IL15: variants seen among roughly 807,000 people sequenced by gnomAD.
IL15 encodes the protein interleukin-15.
A neutral mutation model predicts 19.6 loss-of-function variants in IL15; 11 were observed. That is an observed-to-expected ratio of 0.56 (90% confidence interval 0.35 to 0.93). The LOEUF (loss-of-function observed/expected upper bound fraction) is 0.93. IL15 is among the 40% of genes least tolerant of loss of function. IL15 has a pLI of 0.01. For missense variants in IL15, 197 were observed against 186.5 expected (o/e 1.06, Z -0.33); for synonymous variants, 58 against 59.6 (o/e 0.97, Z 0.12).
intron 5 of IL15, among the ~76,000 whole-genome samples, chr4:141,725,149 G>A (rs73851521): frequency 0.027 from 4,064 of 152,226 alleles, 184 homozygotes; most frequent in African/African-American, 0.092. Context: ...TTATTTGAAA[G>A]TCAAGCAATG....
chr4:141,704,090 A>C (rs1423944117), intron 2 of IL15, among the ~76,000 whole-genome samples: 1 of 152,104 alleles, frequency 6.6e-6, no homozygotes, highest in African/African-American at 2.4e-5. Flanking sequence ...TTCCAGTACT[A>C]TGTTGAATAG....
At chr4:141,643,649 G>C (rs1287937987) in intron 1 of IL15, among the ~76,000 whole-genome samples, 1 of 151,986 alleles carries the variant, frequency 6.6e-6, no homozygotes, top group Non-Finnish European at 1.5e-5. Context: ...AACAATTTCA[G>C]TCTCTGTCTA....
At chr4:141,669,094 AATG>A (rs1429646542) in intron 2 of IL15, among the ~76,000 whole-genome samples, 1 of 152,250 alleles carries the variant, frequency 6.6e-6, no homozygotes, top group African/African-American at 2.4e-5. Context: ...TGTCATTTAA[AATG>A]ATGACAAAAT....
At chr4:141,652,954 A>G (rs1727459511) in intron 1 of IL15, among the ~76,000 whole-genome samples, 1 of 152,198 alleles carries the variant, frequency 6.6e-6, no homozygotes. Context: ...TATTATCAGC[A>G]GGTAATAAGA....
At chr4:141,646,609 T>C (rs1288785606) in intron 1 of IL15, among the ~76,000 whole-genome samples, 4 of 152,084 alleles carry the variant, frequency 2.6e-5, no homozygotes, top group Non-Finnish European at 5.9e-5. Flanking sequence ...TAATATAGTG[T>C]GTTTACTATA....
intron 1 of IL15, among the ~76,000 whole-genome samples, chr4:141,640,684 G>C (rs1451427173): frequency 6.6e-6 from 1 of 152,128 alleles, no homozygotes; most frequent in Non-Finnish European, 1.5e-5. Flanking sequence ...TTCACATCCA[G>C]AGCCAGGGTA....
intron 1 of IL15, among the ~76,000 whole-genome samples, chr4:141,637,647 G>A (rs901992450): frequency 2.6e-5 from 4 of 152,098 alleles, no homozygotes; most frequent in African/African-American, 9.7e-5. Flanking sequence ...AAACTATGTT[G>A]ACTTCAAAGT....
intron 1 of IL15, among the ~76,000 whole-genome samples, chr4:141,644,675 T>C (rs1187928855): frequency 1.3e-5 from 2 of 152,176 alleles, no homozygotes; most frequent in Non-Finnish European, 2.9e-5. Flanking sequence ...ATTTCTCTGA[T>C]GTAGTTTCTT....
intron 2 of IL15, among the ~76,000 whole-genome samples, chr4:141,668,729 C>T (rs562347824): frequency 6.6e-6 from 1 of 152,282 alleles, no homozygotes; most frequent in East Asian, 1.9e-4. Context: ...CTAAGGGCAA[C>T]CTCCTGTTTA....
chr4:141,655,201 A>G (rs537582216), intron 1 of IL15, among the ~76,000 whole-genome samples: 3 of 152,252 alleles, frequency 2.0e-5, no homozygotes, highest in South Asian at 2.1e-4. Context: ...GAGTGGGGAA[A>G]GGGCTCAGGG....
At chr4:141,726,817 G>A (rs767610895) in intron 5 of IL15, among the ~76,000 whole-genome samples, 1 of 152,044 alleles carries the variant, frequency 6.6e-6, no homozygotes, top group African/African-American at 2.4e-5. Context: ...AGTGAAAAAA[G>A]CCAGTCTTCA....
At chr4:141,647,847 A>G (rs1727281551) in intron 1 of IL15, among the ~76,000 whole-genome samples, 1 of 151,948 alleles carries the variant, frequency 6.6e-6, no homozygotes, top group Admixed American at 6.6e-5. Context: ...CACCTGATAG[A>G]TACTTCTCTC....
rs887971009 is a variant in IL15 at position 141,733,946 on chromosome 4, G to T, written c.*1098G>T. ...TCTCTTCTAATGGAACTGTAAGAAA[G>T]ATGAAATATTTTTGTTTTATTATAA... On this transcript the variant is annotated 3_prime_UTR_variant, in exon 8 of 8. Coordinates refer to ENST00000320650, the MANE Select transcript of IL15 (RefSeq NM_000585.5). The T allele has an allele frequency of 6.6e-6, 1 of 152,154 alleles. No individual in the cohort carries two copies. Among genetic ancestry groups the T allele is most frequent in the Non-Finnish European group, 1.5e-5 (1 of 68,018 alleles). 9.4% of individuals were successfully genotyped at this position (152,154 alleles called of 1,614,324 possible). A position where few individuals can be genotyped will look rare whatever the true frequency, so the allele number is the denominator to read the frequency against.
intron 2 of IL15, among the ~76,000 whole-genome samples, chr4:141,708,790 T>A (rs1375924692): frequency 6.6e-6 from 1 of 152,266 alleles, no homozygotes; most frequent in East Asian, 1.9e-4. Flanking sequence ...AAATTATAGA[T>A]GTTTATTCAC....
At chr4:141,726,283 C>G (rs776008504) in intron 5 of IL15, among the ~76,000 whole-genome samples, 1 of 152,102 alleles carries the variant, frequency 6.6e-6, no homozygotes, top group Non-Finnish European at 1.5e-5. Flanking sequence ...GAAAATTATA[C>G]ATCACCCCAA....
intron 2 of IL15, among the ~76,000 whole-genome samples, chr4:141,713,622 C>T (rs539653160): frequency 7.2e-4 from 109 of 152,280 alleles, no homozygotes; most frequent in African/African-American, 2.5e-3. Context: ...GAAAATGGCT[C>T]ACAGTCATCT....
intron 2 of IL15, among the ~76,000 whole-genome samples, chr4:141,656,856 A>G (rs1727622806): frequency 6.6e-6 from 1 of 152,228 alleles, no homozygotes; most frequent in Admixed American, 6.5e-5. Context: ...AGGATATTAG[A>G]AGATAATGTA....
chr4:141,697,122 C>A (rs1729123387), intron 2 of IL15, among the ~76,000 whole-genome samples: 1 of 151,926 alleles, frequency 6.6e-6, no homozygotes, highest in Non-Finnish European at 1.5e-5. Flanking sequence ...ATGTTGTCTT[C>A]CAGAATTTGT....
chr4:141,638,034 T>G (rs982012038), intron 1 of IL15, among the ~76,000 whole-genome samples: 1 of 152,148 alleles, frequency 6.6e-6, no homozygotes, highest in Non-Finnish European at 1.5e-5. Flanking sequence ...CAGTTTATAG[T>G]GAGCTATATG....
Sources: gnomAD v4.1 joint callset for allele counts (sites outside exome capture counted in the v4.1 genomes callset) on GRCh38, gnomAD v4.1.1 for gene constraint, MANE v1.5 for transcripts, NCBI Gene and HGNC (gene_info 2026-07-23, HGNC 2026-07-21) for gene names.